USP10: variants seen among roughly 807,000 people sequenced by gnomAD.
The protein encoded by USP10 is ubiquitin carboxyl-terminal hydrolase 10.
USP10 carries 22 observed loss-of-function variants against 84.5 expected under a neutral mutation model. That is an observed-to-expected ratio of 0.26 (90% CI 0.19 to 0.37). USP10 has a LOEUF of 0.37. Ranked by LOEUF, USP10 falls within the 10% of genes least tolerant of loss-of-function variation. USP10 has a pLI of 1.00. For missense variants in USP10, 1,019 were observed against 998.9 expected, an observed-to-expected ratio of 1.02 and a Z score of -0.27; for synonymous variants, 454 against 387.6, an observed-to-expected ratio of 1.17 and a Z score of -2.01.
chr16:84,717,218 T>A (rs1907147624), intron 1 of USP10, among the ~76,000 whole-genome samples: 1 of 152,050 alleles, frequency 6.6e-6, no homozygotes, highest in African/African-American at 2.4e-5. Context: ...AGTTCTGAAA[T>A]CATACGCAGA....
intron 1 of USP10, among the ~76,000 whole-genome samples, chr16:84,726,432 A>G (rs560918474): frequency 1.3e-5 from 2 of 152,178 alleles, no homozygotes; most frequent in Non-Finnish European, 2.9e-5. Context: ...TGGTTTTCCC[A>G]CTTCGTCTAA....
At chr16:84,771,843 G>A (rs1914490214) in intron 11 of USP10, among the ~76,000 whole-genome samples, 1 of 152,180 alleles carries the variant, frequency 6.6e-6, no homozygotes, top group Non-Finnish European at 1.5e-5. Flanking sequence ...ACTCCAGCCT[G>A]GGCGACAGAG....
At chr16:84,777,554 G>A (rs915928371) in intron 13 of USP10, among the ~76,000 whole-genome samples, 3 of 152,128 alleles carry the variant, frequency 2.0e-5, no homozygotes, top group Non-Finnish European at 2.9e-5. Context: ...CTGGCTCTCC[G>A]AAGTACGGGC....
At chr16:84,774,253 A>G (rs1914745444) in intron 12 of USP10, among the ~76,000 whole-genome samples, 1 of 152,058 alleles carries the variant, frequency 6.6e-6, no homozygotes, top group African/African-American at 2.4e-5. Context: ...AAAAAAATAA[A>G]TAAATAACAT....
intron 1 of USP10, among the ~76,000 whole-genome samples, chr16:84,711,402 T>A (rs927730570): frequency 6.6e-6 from 1 of 152,196 alleles, no homozygotes; most frequent in African/African-American, 2.4e-5. Context: ...GCATCTGATG[T>A]CCCAGAGAAC....
chr16:84,765,601 G>A (rs936946586), intron 10 of USP10, among the ~76,000 whole-genome samples: 5 of 152,028 alleles, frequency 3.3e-5, no homozygotes, highest in Non-Finnish European at 1.5e-5. Context: ...GCAAATGGCA[G>A]GGTCTTTATT....
intron 2 of USP10, among the ~76,000 whole-genome samples, chr16:84,736,723 C>CA (rs1567614216): frequency 1.3e-5 from 2 of 152,048 alleles, no homozygotes; most frequent in African/African-American, 4.8e-5. Context: ...TGGCAGTGGG[C>CA]AGTGTGTGTG....
chr16:84,721,759 G>A (rs1484141167), intron 1 of USP10, among the ~76,000 whole-genome samples: 2 of 152,182 alleles, frequency 1.3e-5, no homozygotes, highest in South Asian at 2.1e-4. Context: ...GTGCAGTGGC[G>A]CGATCACAGC....
At chr16:84,719,063 A>G (rs1248853984) in intron 1 of USP10, among the ~76,000 whole-genome samples, 4 of 152,032 alleles carry the variant, frequency 2.6e-5, no homozygotes, top group African/African-American at 9.7e-5. Context: ...AAGTGCTGGG[A>G]TTACAGGCAT....
At chr16:84,706,502 A>G (rs1251478312) in intron 1 of USP10, among the ~76,000 whole-genome samples, 1 of 147,468 alleles carries the variant, frequency 6.8e-6, no homozygotes, top group Non-Finnish European at 1.5e-5. Flanking sequence ...TTGTATATGT[A>G]TTTATATTTA....
chr16:84,768,887 A>C (rs934900203), intron 11 of USP10, among the ~76,000 whole-genome samples: 5 of 152,184 alleles, frequency 3.3e-5, no homozygotes, highest in African/African-American at 1.2e-4. Context: ...TGAGTCTTTC[A>C]GTCTTCATGA....
intron 4 of USP10, among the ~76,000 whole-genome samples, chr16:84,752,717 A>G (rs1046773467): frequency 4.5e-4 from 68 of 152,268 alleles, no homozygotes; most frequent in African/African-American, 1.5e-3. Flanking sequence ...CTGCTTTTGC[A>G]CCCCTGTTTT....
intron 4 of USP10, among the ~76,000 whole-genome samples, chr16:84,749,397 C>G (rs1911636324): frequency 6.6e-6 from 1 of 152,110 alleles, no homozygotes; most frequent in Admixed American, 6.5e-5. Context: ...ACTGTTTCTA[C>G]TGAGACAGTG....
At chr16:84,730,484 A>C (rs908851341) in intron 1 of USP10, among the ~76,000 whole-genome samples, 7 of 152,250 alleles carry the variant, frequency 4.6e-5, no homozygotes, top group Non-Finnish European at 1.0e-4. Flanking sequence ...ATACTTTAAA[A>C]ATAATTAAGT....
At chr16:84,768,093 T>C (rs1914055375) in intron 10 of USP10, 100 bp from the exon 11 acceptor site, 2 of 1,299,370 alleles carry the variant, frequency 1.5e-6, no homozygotes, top group Non-Finnish European at 1.0e-6. Flanking sequence ...AAAGTGATAT[T>C]GAATAATCTT....
intron 4 of USP10, among the ~76,000 whole-genome samples, chr16:84,749,336 A>T (rs1386160236): frequency 1.3e-5 from 2 of 152,224 alleles, no homozygotes; most frequent in Non-Finnish European, 2.9e-5. Flanking sequence ...AGTTTCATTA[A>T]AAGATCTGTT....
chr16:84,718,236 T>G (rs1907312399), intron 1 of USP10, among the ~76,000 whole-genome samples: 1 of 152,176 alleles, frequency 6.6e-6, no homozygotes, highest in South Asian at 2.1e-4. Flanking sequence ...CAGAAGACAT[T>G]TCTGAAGAGT....
intron 12 of USP10, among the ~76,000 whole-genome samples, chr16:84,773,804 A>T (rs889922054): frequency 1.3e-5 from 2 of 152,226 alleles, no homozygotes; most frequent in African/African-American, 4.8e-5. Flanking sequence ...CAAAGAAGGC[A>T]TCCTCGGCCT....
At chr16:84,715,698 C>G (rs1906926173) in intron 1 of USP10, among the ~76,000 whole-genome samples, 1 of 152,012 alleles carries the variant, frequency 6.6e-6, no homozygotes. Flanking sequence ...ACACCATAAA[C>G]TAGAGATTTA....
Sources: gnomAD v4.1 joint callset for allele counts (sites outside exome capture counted in the v4.1 genomes callset) on GRCh38, gnomAD v4.1.1 for gene constraint, MANE v1.5 for transcripts, NCBI Gene and HGNC (gene_info 2026-07-23, HGNC 2026-07-21) for gene names.